Variants in DOK5 observed in about 807,000 individuals in gnomAD.
DOK5 encodes downstream of tyrosine kinase 5.
DOK5 carries 27 observed loss-of-function variants against 43.3 expected under a neutral mutation model. The observed-to-expected ratio is 0.62, with a 90% CI of 0.46 to 0.86. The LOEUF (loss-of-function observed/expected upper bound fraction) is 0.86, where lower values mean the gene tolerates loss of function less well. DOK5 is among the 40% of genes least tolerant of loss of function. The pLI is 0.00. For synonymous variants in DOK5, 146 were observed against 140.1 expected (o/e 1.04, Z -0.30); for missense variants, 373 against 392.9 (o/e 0.95, Z 0.43).
intron 2 of DOK5, among the ~76,000 whole-genome samples, chr20:54,559,326 C>T (rs947688752): frequency 1.3e-5 from 2 of 152,152 alleles, no homozygotes; most frequent in Non-Finnish European, 2.9e-5. Flanking sequence ...GAGTTCTAAT[C>T]CCAGCTTTGC....
At chr20:54,536,029 T>C (rs1229990) in intron 1 of DOK5, among the ~76,000 whole-genome samples, 51 of 152,108 alleles carry the variant, frequency 3.4e-4, no homozygotes, top group Non-Finnish European at 6.2e-4. Context: ...ACTCAGCCAT[T>C]CAAAAATAAA....
intron 2 of DOK5, among the ~76,000 whole-genome samples, chr20:54,576,064 A>T (rs1326532967): frequency 6.6e-6 from 1 of 152,186 alleles, no homozygotes; most frequent in African/African-American, 2.4e-5. Flanking sequence ...AATACCTTTT[A>T]AAAAAATGAA....
chr20:54,615,838 T>G (rs1600738934), intron 6 of DOK5, among the ~76,000 whole-genome samples: 1 of 151,270 alleles, frequency 6.6e-6, no homozygotes, highest in East Asian at 1.9e-4. Flanking sequence ...GAGGTGGAGG[T>G]TGCAGTGAGC....
chr20:54,545,280 C>T (rs1259526432), intron 1 of DOK5, among the ~76,000 whole-genome samples: 1 of 152,206 alleles, frequency 6.6e-6, no homozygotes, highest in Non-Finnish European at 1.5e-5. Context: ...GTGGGGCAAA[C>T]TCCTATCTCC....
intron 1 of DOK5, among the ~76,000 whole-genome samples, chr20:54,547,025 T>A (rs1403711110): frequency 1.3e-5 from 2 of 152,168 alleles, no homozygotes; most frequent in African/African-American, 4.8e-5. Context: ...TGGAGAGACT[T>A]GTCAAACAGA....
chr20:54,593,128 T>TTCAGAAATATGATCACTTTGATGTTC (rs1986033075), intron 5 of DOK5, among the ~76,000 whole-genome samples: 1 of 151,952 alleles, frequency 6.6e-6, no homozygotes, highest in African/African-American at 2.4e-5. Context: ...AAATTTACAT[T>TTCAGAAATATGATCACTTTGATGTTC]TTACCTGTAG....
intron 1 of DOK5, 60 bp downstream of exon 1, chr20:54,476,072 A>C (rs902279549): frequency 3.1e-6 from 5 of 1,601,744 alleles, no homozygotes; most frequent in Non-Finnish European, 4.3e-6. Context: ...CTCTTGAGCC[A>C]GCATCCCTGG....
At chr20:54,576,069 A>G (rs1294345093) in intron 2 of DOK5, among the ~76,000 whole-genome samples, 1 of 152,228 alleles carries the variant, frequency 6.6e-6, no homozygotes, top group African/African-American at 2.4e-5. Flanking sequence ...CTTTTAAAAA[A>G]ATGAAGCATG....
intron 1 of DOK5, among the ~76,000 whole-genome samples, chr20:54,506,617 G>A (rs1452168203): frequency 6.6e-6 from 1 of 152,102 alleles, no homozygotes. Context: ...GTGCCACCAC[G>A]CCTGGCTAAT....
chr20:54,525,273 A>T (rs1292108138), intron 1 of DOK5, among the ~76,000 whole-genome samples: 1 of 152,226 alleles, frequency 6.6e-6, no homozygotes, highest in Non-Finnish European at 1.5e-5. Context: ...ACAGAGGAAT[A>T]TTACAATATT....
At chr20:54,566,002 G>A (rs1057123379) in intron 2 of DOK5, among the ~76,000 whole-genome samples, 5 of 144,066 alleles carry the variant, frequency 3.5e-5, no homozygotes, top group Admixed American at 3.4e-4. Flanking sequence ...TGGTGACAGA[G>A]CGAGATTCCG....
At chr20:54,536,863 C>G (rs1228195686) in intron 1 of DOK5, among the ~76,000 whole-genome samples, 1 of 152,208 alleles carries the variant, frequency 6.6e-6, no homozygotes, top group Non-Finnish European at 1.5e-5. Context: ...GTCAGGAGCT[C>G]AGACTCTCAT....
At chr20:54,643,431 G>A (rs762821169) in intron 6 of DOK5, 27 bp from the exon 7 acceptor site, 54 of 1,611,008 alleles carry the variant, frequency 3.4e-5, no homozygotes, top group Non-Finnish European at 4.2e-5. Flanking sequence ...TGTTGCTGAC[G>A]CACAACTTTC....
intron 6 of DOK5, among the ~76,000 whole-genome samples, chr20:54,640,662 A>G (rs749555337): frequency 6.6e-5 from 10 of 152,222 alleles, no homozygotes; most frequent in Non-Finnish European, 1.5e-4. Context: ...TCTTGATCCC[A>G]AATCAGCTTT....
chr20:54,595,854 T>G (rs1986125301), intron 5 of DOK5, among the ~76,000 whole-genome samples: 1 of 152,194 alleles, frequency 6.6e-6, no homozygotes, highest in Non-Finnish European at 1.5e-5. Flanking sequence ...CTGAGTAATC[T>G]CTATTTTTTG....
intron 2 of DOK5, among the ~76,000 whole-genome samples, chr20:54,581,462 TAA>T (rs1314030062): frequency 5.3e-4 from 80 of 152,002 alleles, no homozygotes; most frequent in African/African-American, 1.9e-3. Flanking sequence ...GATTGTATGT[TAA>T]GTCTTTTTTT....
intron 1 of DOK5, among the ~76,000 whole-genome samples, chr20:54,519,237 A>G (rs2426524): frequency 0.049 from 7,472 of 152,262 alleles, 509 homozygotes; most frequent in African/African-American, 0.16. Flanking sequence ...ATTGTGCTCT[A>G]GTAGTTTAAA....
Position 54,573,839 on chromosome 20 carries a change from G to T in DOK5, c.175-14644G>T, listed in dbSNP as rs563525626. ...AGCTTCCTGAAAGTTCCAAAGAGCT[G>T]CCCACTAGATAAGCAGAACTTCAGT... On this transcript the variant is annotated intron_variant, in intron 2 of 7. Transcript: ENST00000262593. 1.4e-3 allele frequency among the ~76,000 whole-genome samples: 208 copies of T among 152,182 alleles called. 1 individual carries two copies. The highest frequency in any genetic ancestry group is 6.2e-3 in the South Asian group (30 of 4,820).
chr20:54,602,544 A>G (rs1986329372), intron 5 of DOK5, among the ~76,000 whole-genome samples: 1 of 152,190 alleles, frequency 6.6e-6, no homozygotes, highest in African/African-American at 2.4e-5. Context: ...ATGGAGAAAC[A>G]TTTCAGTTGG....
Sources: allele counts gnomAD v4.1 joint callset (sites outside exome capture counted in the v4.1 genomes callset), GRCh38; gene constraint gnomAD v4.1.1; transcripts MANE v1.5; gene names NCBI Gene and HGNC (gene_info 2026-07-23, HGNC 2026-07-21).